HLA-DQB1: variants seen among roughly 807,000 people sequenced by gnomAD.
HLA-DQB1 encodes major histocompatibility complex, class II, DQ beta 1.
In HLA-DQB1, 13 loss-of-function variants were observed where a neutral mutation model predicts 26.4. The observed-to-expected ratio is 0.49, with a 90% CI of 0.32 to 0.78. The LOEUF is 0.78. Among genes scored for constraint, HLA-DQB1 ranks in the 30% least tolerant of loss-of-function variants. The probability of loss-of-function intolerance (pLI) is 0.03; values close to 1 mark genes in which losing one functional copy is unlikely to be tolerated. For synonymous variants in HLA-DQB1, 60 were observed against 129.1 expected (o/e 0.46, Z 3.63); for missense variants, 158 against 326.2 (o/e 0.48, Z 3.97).
intron 1 of HLA-DQB1, among the ~76,000 whole-genome samples, chr6:32,665,648 TGG>T (rs1783980859): frequency 7.7e-6 from 1 of 130,552 alleles, no homozygotes; most frequent in African/African-American, 2.8e-5. Context: ...CATTTATTCA[TGG>T]AAAGAGCACA....
chr6:32,664,479 C>T (rs28746783), intron 2 of HLA-DQB1: 20 of 167,144 alleles, frequency 1.2e-4, no homozygotes, highest in South Asian at 2.6e-4. Context: ...GAGAGAACTG[C>T]TTAGCGAAGG....
intron 1 of HLA-DQB1, among the ~76,000 whole-genome samples, chr6:32,666,130 C>T (rs9274495): frequency 0.57 from 77,427 of 136,286 alleles, 22,921 homozygotes; most frequent in South Asian, 0.74. Context: ...TCTCATAATC[C>T]TAAGTCCAGG....
Position 32,664,267 on chromosome 6 carries a change from A to G in HLA-DQB1, c.379+531T>C, listed in dbSNP as rs281862491. 4 of 100,444 alleles carry G rather than the reference A, an allele frequency of 4.0e-5. 2 individuals are homozygous for G. Among genetic ancestry groups the G allele is most frequent in the Non-Finnish European group, 8.7e-5 (4 of 45,722 alleles). 6.2% of individuals were successfully genotyped at this position (100,444 alleles called of 1,614,324 possible). A position where few individuals can be genotyped will look rare whatever the true frequency, so the allele number is the denominator to read the frequency against. On this transcript the variant is annotated intron_variant, in intron 2 of 4. Coordinates refer to ENST00000434651, the Ensembl canonical transcript of HLA-DQB1. Reference sequence around the variant, plus strand: ...TTAAGAAAACAGAATTACGATGAATAATGATTTGAAGCCAAAAAGTCAAAA... The same window carrying G: ...TTAAGAAAACAGAATTACGATGAATGATGATTTGAAGCCAAAAAGTCAAAA...
intron 1 of HLA-DQB1, among the ~76,000 whole-genome samples, chr6:32,666,274 TCTC>T (rs281861046): frequency 0.18 from 27,133 of 149,040 alleles, 2,710 homozygotes; most frequent in Middle Eastern, 0.32. Context: ...TTCTCTCCTC[TCTC>T]CTCCTCTTCC....
At chr6:32,660,195 A>C (rs756357005) in exon 5 of HLA-DQB1, 1 of 856,902 alleles carries the variant, frequency 1.2e-6, no homozygotes, top group Non-Finnish European at 1.7e-6. Flanking sequence ...CAGGCATCAC[A>C]GAAGAGTGAT....
At chr6:32,665,154 C>A (rs9274415) in intron 1 of HLA-DQB1, 87 bp from the exon 2 acceptor site, 12,740 of 784,680 alleles carry the variant, frequency 0.016, 1,115 homozygotes, top group African/African-American at 0.038. Context: ...GCTGTGGAAC[C>A]GCCCGCGCGA....
chr6:32,664,220 C>T (rs281862534), intron 2 of HLA-DQB1: 1 of 97,076 alleles, frequency 1.0e-5, no homozygotes, highest in Non-Finnish European at 2.3e-5. Context: ...CCTCAAAGAT[C>T]TCCGCCATTA....
chr6:32,661,654 A>T, intron 3 of HLA-DQB1, 197 bp from the exon 4 acceptor site: 1 of 424,522 alleles, frequency 2.4e-6, no homozygotes, highest in Non-Finnish European at 4.1e-6. Context: ...GTGGGGAAGC[A>T]AATCTCTGCT....
Position 32,661,571 on chromosome 6 carries a change from C to T in HLA-DQB1, c.662-114G>A. 7.6e-6 allele frequency: 5 copies of T among 659,062 alleles called. 1 individual carries two copies. Among genetic ancestry groups the T allele is most frequent in the Non-Finnish European group, 1.2e-5 (5 of 425,564 alleles). 40.8% of individuals were successfully genotyped at this position (659,062 alleles called of 1,614,324 possible). A position where few individuals can be genotyped will look rare whatever the true frequency, so the allele number is the denominator to read the frequency against. On this transcript the variant is annotated intron_variant, in intron 3 of 4. Coordinates refer to ENST00000434651, the Ensembl canonical transcript of HLA-DQB1. ...GTGAAGGCATCAAAGGAACCTAGTT[C>T]TCCATTCAGACCACCCCTAAGGAGG...
chr6:32,665,910 T>A (rs9274475), intron 1 of HLA-DQB1, among the ~76,000 whole-genome samples: 1 of 109,072 alleles, frequency 9.2e-6, no homozygotes, highest in Non-Finnish European at 2.0e-5. Flanking sequence ...AGTCCACCAT[T>A]AACTCGGGTC....
intron 4 of HLA-DQB1, 70 bp downstream of exon 4, chr6:32,661,277 A>T: frequency 1.3e-6 from 1 of 767,122 alleles, no homozygotes; most frequent in Non-Finnish European, 2.0e-6. Flanking sequence ...GCTAATCTAC[A>T]GACAGGACCA....
chr6:32,660,618 T>C, intron 4 of HLA-DQB1: 2 of 434,590 alleles, frequency 4.6e-6, no homozygotes, highest in Non-Finnish European at 8.2e-6. Flanking sequence ...TCCTAGTGTC[T>C]AACATTTAAG....
intron 4 of HLA-DQB1, 123 bp from the exon 5 acceptor site, chr6:32,660,372 A>G (rs9273487): frequency 0.071 from 31,752 of 446,700 alleles, 3,234 homozygotes; most frequent in African/African-American, 0.17. Context: ...GTGTATTGTC[A>G]TCACCTCCCC....
intron 1 of HLA-DQB1, among the ~76,000 whole-genome samples, chr6:32,665,821 A>C (rs281861400): frequency 1.6e-5 from 1 of 62,388 alleles, no homozygotes; most frequent in African/African-American, 5.1e-5. Flanking sequence ...AAGTTATATA[A>C]AGTATTGTTC....
chr6:32,665,216 G>A (rs281861928), intron 1 of HLA-DQB1, 149 bp from the exon 2 acceptor site: 3 of 471,986 alleles, frequency 6.4e-6, no homozygotes, highest in Admixed American at 4.9e-5. Flanking sequence ...GGATCCTCCC[G>A]GCGGCTCTGC....
intron 4 of HLA-DQB1, chr6:32,660,948 A>G (rs1042647967): frequency 7.5e-6 from 7 of 935,410 alleles, no homozygotes; most frequent in Non-Finnish European, 1.1e-5. Context: ...ACCCCAAAGG[A>G]AAATGACACA....
intron 1 of HLA-DQB1, 47 bp downstream of exon 1, chr6:32,666,452 C>T (rs34297496): frequency 0.14 from 97,299 of 678,044 alleles, 11,342 homozygotes; most frequent in Middle Eastern, 0.23. Flanking sequence ...CCAAGGAGAG[C>T]CTGTTCCCAG....
chr6:32,665,222 T>C (rs281861923), intron 1 of HLA-DQB1, among the ~76,000 whole-genome samples, 155 bp from the exon 2 acceptor site: 1 of 129,766 alleles, frequency 7.7e-6, no homozygotes, highest in African/African-American at 2.9e-5. Flanking sequence ...TCCCGGCGGC[T>C]CTGCCCAGCT....
In HLA-DQB1 at chr6:32,664,660, C is replaced by G; in HGVS notation, c.379+138G>C. 4 of 227,026 alleles carry G rather than the reference C, an allele frequency of 1.8e-5. 1 individual carries two copies. Among genetic ancestry groups the G allele is most frequent in the Non-Finnish European group, 2.8e-5 (4 of 144,278 alleles). 14.1% of individuals were successfully genotyped at this position (227,026 alleles called of 1,614,324 possible). A position where few individuals can be genotyped will look rare whatever the true frequency, so the allele number is the denominator to read the frequency against. ...CCTCCGATGCACCTGCCCCCACCAC[C>G]CCGCCGCCGCCTCCTTTCCCCTGGG... On this transcript the variant is annotated intron_variant, in intron 2 of 4. Coordinates refer to ENST00000434651, the Ensembl canonical transcript of HLA-DQB1.
Sources: allele counts gnomAD v4.1 joint callset (sites outside exome capture counted in the v4.1 genomes callset), GRCh38; gene constraint gnomAD v4.1.1; transcripts MANE v1.5; gene names NCBI Gene and HGNC (gene_info 2026-07-23, HGNC 2026-07-21).